The following UBL3 variants were observed in gnomAD, a reference collection of about 807,000 sequenced individuals.
UBL3 encodes ubiquitin like 3, also known as ubiquitin-like protein 3.
Under a neutral mutation model 18.4 loss-of-function variants are expected in UBL3, and 6 were observed. That is an observed-to-expected ratio of 0.33 (90% CI 0.18 to 0.64). The LOEUF is 0.64. Among genes scored for constraint, UBL3 ranks in the 30% least tolerant of loss-of-function variants. The pLI, the probability that UBL3 is intolerant of heterozygous loss-of-function variation, is 0.76. For synonymous variants in UBL3, 49 were observed against 46.6 expected (o/e 1.05, Z -0.21); for missense variants, 109 against 142.9 (o/e 0.76, Z 1.21).
At chr13:29,807,445 A>C (rs1338705218) in intron 1 of UBL3, among the ~76,000 whole-genome samples, 1 of 152,192 alleles carries the variant, frequency 6.6e-6, no homozygotes, top group Non-Finnish European at 1.5e-5. Flanking sequence ...AGTACCTCAG[A>C]CTTCAATTCT....
At chr13:29,785,581 G>A (rs1029937150) in intron 1 of UBL3, among the ~76,000 whole-genome samples, 2 of 152,078 alleles carry the variant, frequency 1.3e-5, no homozygotes, top group Admixed American at 6.5e-5. Context: ...TTTGCTAACT[G>A]TACTGTAAAA....
intron 1 of UBL3, among the ~76,000 whole-genome samples, chr13:29,831,350 G>A (rs1284052771): frequency 6.6e-6 from 1 of 152,118 alleles, no homozygotes; most frequent in Non-Finnish European, 1.5e-5. Context: ...AGCACTTTGG[G>A]AGGCCGAGGT....
In UBL3 at chr13:29,772,218, C is replaced by G. The variant is rs1316462134; in HGVS notation, c.137-20G>C. The G allele has an allele frequency of 1.3e-6, 2 of 1,595,098 alleles. No homozygotes were observed. Among genetic ancestry groups the G allele is most frequent in the Admixed American group, 3.4e-5 (2 of 59,436 alleles). ...CCCAGTCTGAAAAGAATCCAGTGTA[C>G]TGGTTAGGTATATTCCAACATATAA... On this transcript the variant is annotated intron_variant, in intron 2 of 4. Transcript: ENST00000380680.
In UBL3 at chr13:29,766,842, C is replaced by T. The variant is rs746091634; in HGVS notation, c.*413G>A. On this transcript the variant is annotated 3_prime_UTR_variant, in exon 5 of 5. Coordinates refer to ENST00000380680, the MANE Select transcript of UBL3 (RefSeq NM_007106.4). The stretch of plus-strand genomic sequence containing the variant: ...TGTATATATAAGTATTTCTAGATAC[C>T]ACACACTGTTATAAATTCTGCTGAT... 9 of 155,354 alleles carry T rather than the reference C, an allele frequency of 5.8e-5. No homozygotes were observed. The highest frequency in any genetic ancestry group is 1.3e-4 in the Non-Finnish European group (9 of 70,416). The allele number at this position is 155,354 out of a possible 1,614,324, so 9.6% of individuals were successfully genotyped here.
intron 1 of UBL3, among the ~76,000 whole-genome samples, chr13:29,817,416 T>G (rs1878310485): frequency 6.6e-6 from 1 of 152,198 alleles, no homozygotes; most frequent in Non-Finnish European, 1.5e-5. Context: ...GCTCCAATGT[T>G]TTAATCACTG....
At chr13:29,794,351 TACAC>T (rs34035390) in intron 1 of UBL3, among the ~76,000 whole-genome samples, 1 of 149,838 alleles carries the variant, frequency 6.7e-6, no homozygotes, top group Non-Finnish European at 1.5e-5. Flanking sequence ...TTACTAACAC[TACAC>T]ACACACACAC....
chr13:29,780,406 G>GTGTA (rs1555232310), intron 1 of UBL3, among the ~76,000 whole-genome samples: 20 of 133,930 alleles, frequency 1.5e-4, no homozygotes, highest in East Asian at 8.6e-4. Context: ...GTGTGTGTGT[G>GTGTA]TATATATATA....
intron 1 of UBL3, among the ~76,000 whole-genome samples, chr13:29,845,070 C>A (rs1453442753): frequency 6.6e-6 from 1 of 151,906 alleles, no homozygotes; most frequent in Non-Finnish European, 1.5e-5. Flanking sequence ...AATTTGATAC[C>A]TGTGTAAGAG....
intron 1 of UBL3, among the ~76,000 whole-genome samples, chr13:29,815,625 T>G (rs1878256206): frequency 6.6e-6 from 1 of 152,120 alleles, no homozygotes; most frequent in Non-Finnish European, 1.5e-5. Flanking sequence ...AACCATAAAA[T>G]AAAACTTCAG....
At chr13:29,800,728 G>T (rs960030200) in intron 1 of UBL3, among the ~76,000 whole-genome samples, 1 of 152,198 alleles carries the variant, frequency 6.6e-6, no homozygotes, top group African/African-American at 2.4e-5. Flanking sequence ...TTACCTGCCG[G>T]TCTGCTAAAT....
chr13:29,800,803 G>A (rs970467559), intron 1 of UBL3, among the ~76,000 whole-genome samples: 1 of 152,172 alleles, frequency 6.6e-6, no homozygotes, highest in Non-Finnish European at 1.5e-5. Context: ...ACCTCCCTGG[G>A]ATGGATCTCC....
chr13:29,771,981 C>A, intron 3 of UBL3, 131 bp downstream of exon 3: 1 of 764,478 alleles, frequency 1.3e-6, no homozygotes, highest in East Asian at 2.7e-5. Flanking sequence ...GTAGGCATAC[C>A]AGAAATAGGC....
At chr13:29,820,594 T>C (rs984380592) in intron 1 of UBL3, among the ~76,000 whole-genome samples, 1 of 152,192 alleles carries the variant, frequency 6.6e-6, no homozygotes, top group Non-Finnish European at 1.5e-5. Context: ...TGAAATAGTA[T>C]TAAACATTTA....
chr13:29,774,112 T>C (rs1876918336), intron 2 of UBL3, among the ~76,000 whole-genome samples: 2 of 152,148 alleles, frequency 1.3e-5, no homozygotes, highest in Admixed American at 1.3e-4. Context: ...GAGGAAATAC[T>C]GGGAATCAAA....
intron 1 of UBL3, among the ~76,000 whole-genome samples, chr13:29,799,065 C>T (rs1265949770): frequency 6.6e-6 from 1 of 152,198 alleles, no homozygotes; most frequent in African/African-American, 2.4e-5. Flanking sequence ...GGTTTCTCAA[C>T]CTCAGCACAA....
chr13:29,815,724 C>T (rs1878258316), intron 1 of UBL3, among the ~76,000 whole-genome samples: 1 of 152,136 alleles, frequency 6.6e-6, no homozygotes, highest in African/African-American at 2.4e-5. Flanking sequence ...GAGTGGGTTT[C>T]CATGTCATTC....
At chr13:29,825,367 T>G (rs1274374065) in intron 1 of UBL3, among the ~76,000 whole-genome samples, 1 of 152,232 alleles carries the variant, frequency 6.6e-6, no homozygotes, top group Non-Finnish European at 1.5e-5. Context: ...TTGTGTCCTC[T>G]TTTATTTCGT....
In UBL3 at chr13:29,849,913, C is replaced by A. The variant is rs748249381; in HGVS notation, c.-375G>T. 21 of 377,996 alleles carry A rather than the reference C, an allele frequency of 5.6e-5. No homozygotes were observed. The highest frequency in any genetic ancestry group is 8.9e-5 in the Non-Finnish European group (18 of 201,606). 23.4% of individuals were successfully genotyped at this position (377,996 alleles called of 1,614,324 possible). A position where few individuals can be genotyped will look rare whatever the true frequency, so the allele number is the denominator to read the frequency against. ...TAAATGCGCCTTCCTCCTTTCCCAG[C>A]CCCGGCAATGATTCACACTTGCTCC... On this transcript the variant is annotated 5_prime_UTR_variant, in exon 1 of 5. Coordinates refer to ENST00000380680, the MANE Select transcript of UBL3 (RefSeq NM_007106.4).
At position 29,823,394 on chromosome 13, in the gene UBL3, G is replaced by A. The variant is rs951153931; in HGVS notation, c.27+26118C>T. Reference sequence around the variant, plus strand: ...GACCTCAGGTGATCCGCCCGCCTTCGGCCTCCCAAACTGCTGGGATTACAG... The same window carrying A: ...GACCTCAGGTGATCCGCCCGCCTTCAGCCTCCCAAACTGCTGGGATTACAG... On this transcript the variant is annotated intron_variant, in intron 1 of 4. Transcript: ENST00000380680. 2.6e-5 allele frequency among the ~76,000 whole-genome samples: 4 copies of A among 152,070 alleles called. No individual in the cohort carries two copies. The South Asian group carries it at 8.3e-4, about 32-fold the overall frequency.
Sources: allele counts gnomAD v4.1 joint callset (sites outside exome capture counted in the v4.1 genomes callset), GRCh38; gene constraint gnomAD v4.1.1; transcripts MANE v1.5; gene names NCBI Gene and HGNC (gene_info 2026-07-23, HGNC 2026-07-21).